Variants in MALRD1 observed in about 807,000 individuals in gnomAD.
MALRD1 encodes MAM and LDL-receptor class A domain-containing protein 1.
Under a neutral mutation model 242.1 loss-of-function variants are expected in MALRD1, and 247 were observed. The observed-to-expected ratio is 1.02, with a 90% CI of 0.92 to 1.13. MALRD1 has a LOEUF of 1.13. Ranked by LOEUF, MALRD1 falls within the 50% of genes most tolerant of loss-of-function variation. The probability of loss-of-function intolerance (pLI) is 0.00; values close to 1 mark genes in which losing one functional copy is unlikely to be tolerated. For synonymous variants in MALRD1, 995 were observed against 866.6 expected (o/e 1.15, Z -2.60); for missense variants, 2,989 against 2,533.1 (o/e 1.18, Z -3.86).
At chr10:19,155,711 C>T (rs375042152) in intron 12 of MALRD1, among the ~76,000 whole-genome samples, 1 of 152,056 alleles carries the variant, frequency 6.6e-6, no homozygotes, top group Non-Finnish European at 1.5e-5. Flanking sequence ...ATTGTATATT[C>T]CTTTTGAGAC....
intron 26 of MALRD1, among the ~76,000 whole-genome samples, chr10:19,379,656 T>C (rs1845754334): frequency 1.3e-5 from 2 of 152,222 alleles, no homozygotes; most frequent in African/African-American, 4.8e-5. Context: ...TCTGCATGAT[T>C]TTAATTCTTC....
chr10:19,574,641 G>T (rs572483920), intron 33 of MALRD1, among the ~76,000 whole-genome samples: 1 of 152,308 alleles, frequency 6.6e-6, no homozygotes, highest in Non-Finnish European at 1.5e-5. Context: ...TACCATACTT[G>T]TACAATTTTG....
At chr10:19,487,363 G>T (rs1277546264) in intron 29 of MALRD1, among the ~76,000 whole-genome samples, 2 of 150,628 alleles carry the variant, frequency 1.3e-5, no homozygotes, top group Non-Finnish European at 1.5e-5. Context: ...TTTTTTATTT[G>T]TTTATTTTTC....
intron 19 of MALRD1, among the ~76,000 whole-genome samples, chr10:19,267,731 T>C (rs1840027713): frequency 6.6e-6 from 1 of 152,142 alleles, no homozygotes; most frequent in Non-Finnish European, 1.5e-5. Context: ...ATGCCTTTCT[T>C]TTGTATTTTT....
intron 38 of MALRD1, among the ~76,000 whole-genome samples, chr10:19,700,351 G>A (rs1055333633): frequency 1.3e-5 from 2 of 152,086 alleles, no homozygotes; most frequent in African/African-American, 4.8e-5. Context: ...CATGAGGAAA[G>A]GGTAGGAGGC....
chr10:19,113,336 A>G (rs561019646), intron 5 of MALRD1, among the ~76,000 whole-genome samples: 1 of 152,184 alleles, frequency 6.6e-6, no homozygotes. Context: ...TACTCTGGTC[A>G]AAACAAATTA....
intron 21 of MALRD1, among the ~76,000 whole-genome samples, chr10:19,293,501 C>A (rs189981202): frequency 6.6e-6 from 1 of 152,184 alleles, no homozygotes; most frequent in Admixed American, 6.5e-5. Flanking sequence ...TTGTTGTGCG[C>A]AAGTAAATTA....
intron 36 of MALRD1, among the ~76,000 whole-genome samples, chr10:19,676,777 C>T (rs7904124): frequency 1.5e-3 from 231 of 152,218 alleles, no homozygotes; most frequent in African/African-American, 5.1e-3. Flanking sequence ...CCATCACCTG[C>T]GTATTAAGCC....
intron 33 of MALRD1, among the ~76,000 whole-genome samples, chr10:19,570,380 G>A (rs571524608): frequency 6.6e-6 from 1 of 152,182 alleles, no homozygotes; most frequent in East Asian, 1.9e-4. Flanking sequence ...TTTATTTGAA[G>A]ATTTGGCAAG....
At chr10:19,273,190 CAAT>C (rs778397206) in intron 19 of MALRD1, among the ~76,000 whole-genome samples, 1 of 151,926 alleles carries the variant, frequency 6.6e-6, no homozygotes, top group African/African-American at 2.4e-5. Flanking sequence ...TTTACAATCT[CAAT>C]AATTTTCATA....
chr10:19,589,516 A>T (rs898229899), intron 33 of MALRD1, among the ~76,000 whole-genome samples: 2 of 151,912 alleles, frequency 1.3e-5, no homozygotes, highest in Non-Finnish European at 2.9e-5. Context: ...TTTGAGAAAC[A>T]CTCCCTAAAG....
intron 38 of MALRD1, among the ~76,000 whole-genome samples, chr10:19,701,338 A>C (rs1477931707): frequency 6.6e-6 from 1 of 152,062 alleles, no homozygotes; most frequent in Non-Finnish European, 1.5e-5. Context: ...CAGTGACCTC[A>C]TAAGTGGATG....
At chr10:19,363,431 C>A (rs756086999) in intron 26 of MALRD1, among the ~76,000 whole-genome samples, 1 of 152,116 alleles carries the variant, frequency 6.6e-6, no homozygotes, top group African/African-American at 2.4e-5. Context: ...GGAGTGACTA[C>A]GTCAGATGTT....
At chr10:19,133,691 A>G (rs1833204715) in intron 8 of MALRD1, among the ~76,000 whole-genome samples, 165 bp from the exon 9 acceptor site, 1 of 152,154 alleles carries the variant, frequency 6.6e-6, no homozygotes, top group Non-Finnish European at 1.5e-5. Flanking sequence ...TTATTTTTTA[A>G]TGATATTCAG....
chr10:19,316,379 G>A (rs928205264), intron 21 of MALRD1, among the ~76,000 whole-genome samples: 1 of 151,906 alleles, frequency 6.6e-6, no homozygotes, highest in Non-Finnish European at 1.5e-5. Context: ...GCAGCAGAGT[G>A]GAGAGGGCAT....
intron 33 of MALRD1, among the ~76,000 whole-genome samples, chr10:19,578,377 A>C (rs756657603): frequency 4.6e-5 from 7 of 152,146 alleles, no homozygotes; most frequent in Admixed American, 1.3e-4. Flanking sequence ...AGTTGCTCAA[A>C]ATAGAAAGCA....
At chr10:19,439,529 C>A (rs1360893290) in intron 28 of MALRD1, among the ~76,000 whole-genome samples, 12 of 106,204 alleles carry the variant, frequency 1.1e-4, no homozygotes, top group East Asian at 2.5e-4. Context: ...CAAAGCAAGA[C>A]CCTGTCTCAA....
chr10:19,254,353 C>T (rs1295707508), intron 18 of MALRD1, among the ~76,000 whole-genome samples: 1 of 151,850 alleles, frequency 6.6e-6, no homozygotes, highest in Non-Finnish European at 1.5e-5. Context: ...ATCTGCTTAC[C>T]AGTTGGGAGA....
chr10:19,567,601 A>G lies in MALRD1; in HGVS notation c.5578A>G (p.Asn1860Asp), dbSNP rs1836313585. Residue 1860 changes from asparagine to aspartate, a missense_variant, in exon 33 of 40, where the codon AAC becomes GAC. Physicochemically the swap from Asn to Asp is conservative, Grantham distance 23 (BLOSUM62 1). Transcript: ENST00000454679. ...WTYGSVPLSS[N>D]SPFKVAFEAD... is the part of the protein sequence containing the mutation. Reference sequence around the variant, plus strand: ...ATATGGCTCTGTGCCTCTCTCCAGTAACAGTCCGTTTAAGGTGGCATTTGA... The same window carrying G: ...ATATGGCTCTGTGCCTCTCTCCAGTGACAGTCCGTTTAAGGTGGCATTTGA... 3.2e-6 allele frequency: 5 copies of G among 1,550,506 alleles called. No homozygotes were observed. In the East Asian group the frequency reaches 1.2e-4, roughly 38 times the overall value.
Sources: allele counts gnomAD v4.1 joint callset (sites outside exome capture counted in the v4.1 genomes callset), GRCh38; gene constraint gnomAD v4.1.1; transcripts MANE v1.5; gene names NCBI Gene and HGNC (gene_info 2026-07-23, HGNC 2026-07-21).